The following NTRK2 variants were observed in gnomAD, a reference collection of about 807,000 sequenced individuals.
NTRK2 encodes the protein BDNF/NT-3 growth factors receptor.
A neutral mutation model predicts 94.5 loss-of-function variants in NTRK2; 13 were observed. That is an observed-to-expected ratio of 0.14 (90% CI 0.09 to 0.22). The LOEUF (loss-of-function observed/expected upper bound fraction) is 0.22, where lower values mean the gene tolerates loss of function less well. Among genes scored for constraint, NTRK2 ranks in the 10% least tolerant of loss-of-function variants. NTRK2 has a pLI of 1.00. For missense variants in NTRK2, 639 were observed against 1,071.2 expected (o/e 0.60, Z 5.63); for synonymous variants, 372 against 407.4 (o/e 0.91, Z 1.05).
chr9:84,818,731 A>T (rs147443896), intron 12 of NTRK2, among the ~76,000 whole-genome samples: 1 of 152,120 alleles, frequency 6.6e-6, no homozygotes, highest in Non-Finnish European at 1.5e-5. Flanking sequence ...ATTCTTTTGG[A>T]GTAGTCCCTA....
chr9:84,886,016 G>A (rs2076402217), intron 14 of NTRK2, among the ~76,000 whole-genome samples: 1 of 151,918 alleles, frequency 6.6e-6, no homozygotes, highest in Non-Finnish European at 1.5e-5. Context: ...GGGTGACAGA[G>A]CAAGACTTCG....
At chr9:84,838,524 G>A (rs775242664) in intron 12 of NTRK2, among the ~76,000 whole-genome samples, 2 of 152,074 alleles carry the variant, frequency 1.3e-5, no homozygotes, top group Non-Finnish European at 2.9e-5. Context: ...AGATCAAGAT[G>A]TTATTATCAG....
At chr9:84,692,408 AT>A (rs1202761115) in intron 2 of NTRK2, among the ~76,000 whole-genome samples, 4 of 149,100 alleles carry the variant, frequency 2.7e-5, no homozygotes, top group Non-Finnish European at 4.5e-5. Context: ...TCAATTTTTA[AT>A]TGTAGTTTCT....
At chr9:84,754,714 G>A (rs566579617) in intron 12 of NTRK2, among the ~76,000 whole-genome samples, 1 of 152,178 alleles carries the variant, frequency 6.6e-6, no homozygotes, top group Non-Finnish European at 1.5e-5. Flanking sequence ...TGTGGCTGCT[G>A]TGCAGATGAG....
chr9:84,872,147 G>A (rs200748652), intron 14 of NTRK2: 1 of 1,242,846 alleles, frequency 8.0e-7, no homozygotes, highest in Non-Finnish European at 1.0e-6. Context: ...TCGTTTAGAC[G>A]TGTCTGAACA....
chr9:84,965,294 A>C (rs1244989273), intron 17 of NTRK2, among the ~76,000 whole-genome samples: 1 of 152,260 alleles, frequency 6.6e-6, no homozygotes, highest in Non-Finnish European at 1.5e-5. Flanking sequence ...TTGCAGACAT[A>C]GTTCTTAACC....
At chr9:84,814,165 C>G (rs201239794) in intron 12 of NTRK2, 2 of 1,065,478 alleles carry the variant, frequency 1.9e-6, no homozygotes, top group Non-Finnish European at 2.3e-6. Flanking sequence ...AAGAACTAAA[C>G]AATCCCAGCC....
At position 84,931,338 on chromosome 9, in the gene NTRK2, C is replaced by T. The variant is rs140459932; in HGVS notation, c.1634-2824C>T. Among the ~76,000 whole-genome samples, 36 of 151,140 alleles carry T rather than the reference C, an allele frequency of 2.4e-4. No individual in the cohort carries two copies. The East Asian group carries it at 6.6e-3, about 28-fold the overall frequency. On this transcript the variant is annotated intron_variant, in intron 14 of 18. Transcript: ENST00000277120. ...AGAAGAATTGCTTGAACCTGGGAGG[C>T]GGAGGTTGCAGTGAGCCGAGATTGT...
chr9:84,694,079 C>T (rs993240853), intron 2 of NTRK2, among the ~76,000 whole-genome samples: 1 of 152,268 alleles, frequency 6.6e-6, no homozygotes, highest in South Asian at 2.1e-4. Flanking sequence ...AATTATTTAT[C>T]GTGAAGGTGC....
At chr9:84,783,522 G>T (rs2067816551) in intron 12 of NTRK2, among the ~76,000 whole-genome samples, 2 of 152,148 alleles carry the variant, frequency 1.3e-5, no homozygotes, top group Admixed American at 1.3e-4. Flanking sequence ...CTATTTCCCA[G>T]GGAATGACAC....
intron 12 of NTRK2, among the ~76,000 whole-genome samples, chr9:84,787,782 T>G (rs2068271432): frequency 6.6e-6 from 1 of 152,230 alleles, no homozygotes; most frequent in African/African-American, 2.4e-5. Flanking sequence ...GAGGATTAAA[T>G]AAGGGACTAT....
chr9:84,857,844 G>C (rs2075140428), intron 12 of NTRK2, among the ~76,000 whole-genome samples: 1 of 152,108 alleles, frequency 6.6e-6, no homozygotes, highest in Non-Finnish European at 1.5e-5. Context: ...ATGGGCTCTA[G>C]AATTTTGATA....
chr9:85,010,082 G>A (rs1339142912), intron 17 of NTRK2, among the ~76,000 whole-genome samples: 1 of 152,198 alleles, frequency 6.6e-6, no homozygotes, highest in Non-Finnish European at 1.5e-5. Flanking sequence ...ACGCAGGACA[G>A]CAGTCATCAC....
At chr9:84,839,471 C>T (rs2074052187) in intron 12 of NTRK2, among the ~76,000 whole-genome samples, 1 of 152,206 alleles carries the variant, frequency 6.6e-6, no homozygotes, top group Non-Finnish European at 1.5e-5. Flanking sequence ...CCCGTCCTCC[C>T]ATTTCACTGT....
chr9:84,787,131 C>G (rs2068199363), intron 12 of NTRK2, among the ~76,000 whole-genome samples: 1 of 151,928 alleles, frequency 6.6e-6, no homozygotes, highest in African/African-American at 2.4e-5. Context: ...AACCCCGTCT[C>G]TACTAAAAAT....
intron 12 of NTRK2, among the ~76,000 whole-genome samples, chr9:84,778,705 C>T (rs568991203): frequency 6.6e-6 from 1 of 152,360 alleles, no homozygotes; most frequent in African/African-American, 2.4e-5. Flanking sequence ...GTGGCCCACA[C>T]ACTGCAGCTT....
At chr9:84,943,529 G>T (rs925327511) in intron 15 of NTRK2, among the ~76,000 whole-genome samples, 2 of 152,158 alleles carry the variant, frequency 1.3e-5, no homozygotes, top group African/African-American at 4.8e-5. Context: ...GGCAGCTTTG[G>T]GGTGTCAGGA....
At chr9:84,910,571 C>T (rs1447639530) in intron 14 of NTRK2, among the ~76,000 whole-genome samples, 2 of 152,126 alleles carry the variant, frequency 1.3e-5, no homozygotes, top group Non-Finnish European at 2.9e-5. Context: ...ATTACATCTG[C>T]AAAGACCCTA....
intron 14 of NTRK2, among the ~76,000 whole-genome samples, chr9:84,900,448 A>G (rs559961545): frequency 6.6e-6 from 1 of 152,254 alleles, no homozygotes; most frequent in South Asian, 2.1e-4. Flanking sequence ...AGGAAAGGAT[A>G]TTCTTCAAGT....
Sources: allele counts gnomAD v4.1 joint callset (sites outside exome capture counted in the v4.1 genomes callset), GRCh38; gene constraint gnomAD v4.1.1; transcripts MANE v1.5; gene names NCBI Gene and HGNC (gene_info 2026-07-23, HGNC 2026-07-21).